Variants in STAU2 observed in about 807,000 individuals in gnomAD.
STAU2 encodes the protein staufen double-stranded RNA binding protein 2, also known as double-stranded RNA-binding protein Staufen homolog 2.
STAU2 carries 20 observed loss-of-function variants against 65.9 expected under a neutral mutation model. The ratio of observed to expected loss-of-function variants is 0.30; its 90% confidence interval spans 0.21 to 0.44. The LOEUF (loss-of-function observed/expected upper bound fraction) is 0.44, where lower values mean the gene tolerates loss of function less well. Among genes scored for constraint, STAU2 ranks in the 20% least tolerant of loss-of-function variants. STAU2 has a pLI of 1.00. For missense variants in STAU2, 558 were observed against 683.9 expected (o/e 0.82, Z 2.05); for synonymous variants, 232 against 233.9 (o/e 0.99, Z 0.07).
intron 13 of STAU2, among the ~76,000 whole-genome samples, chr8:73,517,433 A>AAAAT (rs57516116): frequency 1.3e-5 from 2 of 150,692 alleles, no homozygotes; most frequent in Admixed American, 6.6e-5. Context: ...TCAATAAATA[A>AAAAT]AAATAAATAA....
intron 13 of STAU2, among the ~76,000 whole-genome samples, chr8:73,476,026 T>C (rs1229935022): frequency 6.6e-6 from 1 of 152,124 alleles, no homozygotes. Context: ...TAATTACTGG[T>C]TTTTAGAAAT....
intron 1 of STAU2, among the ~76,000 whole-genome samples, chr8:73,743,076 T>C (rs946179526): frequency 6.6e-6 from 1 of 152,204 alleles, no homozygotes; most frequent in Admixed American, 6.5e-5. Context: ...CTAAAAAAGA[T>C]ATACGGTCCT....
chr8:73,653,372 T>C (rs1816053633), intron 6 of STAU2: 1 of 152,200 alleles, frequency 6.6e-6, no homozygotes, highest in South Asian at 2.1e-4. Context: ...TAGAAATATT[T>C]CTATCCAAAA....
chr8:73,550,634 T>C (rs889303818), intron 13 of STAU2: 3 of 979,678 alleles, frequency 3.1e-6, no homozygotes, highest in African/African-American at 3.5e-5. Flanking sequence ...CAGTACTTTA[T>C]ATAAATTGAG....
intron 13 of STAU2, among the ~76,000 whole-genome samples, chr8:73,534,930 C>A (rs1403044649): frequency 2.6e-5 from 4 of 152,196 alleles, no homozygotes; most frequent in African/African-American, 9.7e-5. Context: ...GACTGAGACA[C>A]AACTTGGAAT....
intron 13 of STAU2, among the ~76,000 whole-genome samples, chr8:73,447,196 G>A (rs1397429978): frequency 2.0e-5 from 3 of 152,220 alleles, no homozygotes; most frequent in East Asian, 1.9e-4. Context: ...TGCCCGCCTC[G>A]GCCTCCCAAA....
At chr8:73,710,772 A>G (rs1820836741) in intron 3 of STAU2, among the ~76,000 whole-genome samples, 1 of 152,068 alleles carries the variant, frequency 6.6e-6, no homozygotes, top group Non-Finnish European at 1.5e-5. Flanking sequence ...AGCATAAAAC[A>G]TGCAAGTGGA....
chr8:73,462,712 A>G (rs1819433951), intron 13 of STAU2, among the ~76,000 whole-genome samples: 2 of 152,098 alleles, frequency 1.3e-5, no homozygotes, highest in South Asian at 2.1e-4. Context: ...AACATTATAA[A>G]CCTAAAAAAT....
intron 13 of STAU2, among the ~76,000 whole-genome samples, chr8:73,525,429 C>T (rs1031207289): frequency 8.5e-5 from 13 of 152,190 alleles, no homozygotes; most frequent in African/African-American, 3.1e-4. Context: ...GAGGAAGAGG[C>T]ACTTTTTTTT....
intron 3 of STAU2, among the ~76,000 whole-genome samples, chr8:73,711,146 A>C (rs1374283653): frequency 1.3e-5 from 2 of 150,360 alleles, no homozygotes; most frequent in African/African-American, 2.4e-5. Flanking sequence ...AAAAAAAAAA[A>C]AAAAAAAAAA....
intron 5 of STAU2, among the ~76,000 whole-genome samples, chr8:73,676,901 G>A (rs1818064353): frequency 6.6e-6 from 1 of 152,150 alleles, no homozygotes. Flanking sequence ...TGGTCTCATT[G>A]AAAAGAATTT....
chr8:73,560,568 G>C (rs531250691), intron 12 of STAU2, among the ~76,000 whole-genome samples: 2 of 152,140 alleles, frequency 1.3e-5, no homozygotes, highest in East Asian at 3.9e-4. Context: ...GAATGTTTAT[G>C]AATAAAATTA....
At chr8:73,658,943 C>CAACAACA (rs373405572) in intron 6 of STAU2, among the ~76,000 whole-genome samples, 10 of 141,890 alleles carry the variant, frequency 7.0e-5, no homozygotes, top group African/African-American at 2.3e-4. Context: ...ACAAAAACAA[C>CAACAACA]AAAAAAAAAA....
rs1169611708 is a variant in STAU2, at chr8:73,506,474, TAA to T, written c.1530+45536_1530+45537del. Among the ~76,000 whole-genome samples the T allele has an allele frequency of 8.5e-5, 13 of 152,316 alleles. No individual in the cohort carries two copies. In the South Asian group the frequency reaches 1.5e-3, roughly 17 times the overall value. ...TATGTTTACCTACACTCCAGTCTAT[TAA>T]GTGTGCAATAGCATTATGTCTAAAA... is the stretch of plus-strand genomic sequence containing the variant. On this transcript the variant is annotated intron_variant, in intron 13 of 14. Transcript: ENST00000524300.
intron 6 of STAU2, among the ~76,000 whole-genome samples, chr8:73,657,967 T>C (rs1485024839): frequency 2.0e-5 from 3 of 151,650 alleles, no homozygotes; most frequent in Admixed American, 1.3e-4. Context: ...TGAACCAAGA[T>C]TGCACCACTG....
intron 13 of STAU2, among the ~76,000 whole-genome samples, chr8:73,530,163 C>A (rs189199275): frequency 6.6e-6 from 1 of 152,276 alleles, no homozygotes; most frequent in African/African-American, 2.4e-5. Flanking sequence ...ATCATGCCAG[C>A]TGTAGCCTGC....
intron 13 of STAU2, among the ~76,000 whole-genome samples, chr8:73,489,731 A>C (rs1376798610): frequency 6.6e-6 from 1 of 152,076 alleles, no homozygotes; most frequent in Non-Finnish European, 1.5e-5. Context: ...TACATAACTG[A>C]AATTCAGATA....
At chr8:73,488,496 T>C (rs1821021535) in intron 13 of STAU2, among the ~76,000 whole-genome samples, 2 of 151,922 alleles carry the variant, frequency 1.3e-5, no homozygotes, top group Non-Finnish European at 2.9e-5. Flanking sequence ...AATTAAGCTA[T>C]AACTTTAAAA....
At chr8:73,597,498 C>CAAA (rs1259337727) in intron 10 of STAU2, among the ~76,000 whole-genome samples, 1 of 115,664 alleles carries the variant, frequency 8.6e-6, no homozygotes, top group African/African-American at 3.3e-5. Context: ...ACTAAAAATA[C>CAAA]AAAAATAAAA....
Sources: gnomAD v4.1 joint callset for allele counts (sites outside exome capture counted in the v4.1 genomes callset) on GRCh38, gnomAD v4.1.1 for gene constraint, MANE v1.5 for transcripts, NCBI Gene and HGNC (gene_info 2026-07-23, HGNC 2026-07-21) for gene names.